The following CELF2 variants were observed in gnomAD, a reference collection of about 807,000 sequenced individuals.
CELF2 encodes CUGBP Elav-like family member 2.
A neutral mutation model predicts 62.6 loss-of-function variants in CELF2; 8 were observed. That is an observed-to-expected ratio of 0.13 (90% CI 0.07 to 0.23). The LOEUF (loss-of-function observed/expected upper bound fraction) is 0.23. Ranked by LOEUF, CELF2 falls within the 10% of genes least tolerant of loss-of-function variation. CELF2 has a pLI of 1.00. For synonymous variants in CELF2, 258 were observed against 250.0 expected (o/e 1.03, Z -0.30); for missense variants, 333 against 671.0 (o/e 0.50, Z 5.56).
intron 1 of CELF2, among the ~76,000 whole-genome samples, chr10:10,878,175 G>T (rs2061230012): frequency 1.3e-5 from 2 of 152,270 alleles, no homozygotes; most frequent in South Asian, 4.1e-4. Context: ...GATCCTATAG[G>T]ATCCCATCTA....
chr10:10,651,280 A>G, the CELF2 span, among the ~76,000 whole-genome samples: 17 of 146,232 alleles, frequency 1.2e-4, no homozygotes, highest in South Asian at 4.9e-4. Flanking sequence ...GCAAGGCGGC[A>G]GTGAGGCTGG....
chr10:10,848,139 G>C (rs531743652), intron 1 of CELF2, among the ~76,000 whole-genome samples: 1 of 151,998 alleles, frequency 6.6e-6, no homozygotes, highest in African/African-American at 2.4e-5. Context: ...AGGAAATTTC[G>C]TTTCCTTTTC....
chr10:10,811,577 C>T (rs2055895450), intron 1 of CELF2, among the ~76,000 whole-genome samples: 1 of 152,038 alleles, frequency 6.6e-6, no homozygotes, highest in South Asian at 2.1e-4. Context: ...GGGGTACATG[C>T]ACATCTCAAA....
At chr10:10,851,809 A>ACGG (rs1412514694) in intron 1 of CELF2, among the ~76,000 whole-genome samples, 9 of 152,226 alleles carry the variant, frequency 5.9e-5, no homozygotes, top group Non-Finnish European at 1.2e-4. Context: ...CAGGCATATT[A>ACGG]CCAAAGAAGG....
At chr10:10,763,823 C>G in the CELF2 span, among the ~76,000 whole-genome samples, 352 of 152,292 alleles carry the variant, frequency 2.3e-3, 1 homozygote, top group Admixed American at 3.2e-3. Flanking sequence ...TTGTTTGTGA[C>G]AGGTAAAGCC....
At chr10:10,877,365 T>A (rs1309626497) in intron 1 of CELF2, among the ~76,000 whole-genome samples, 1 of 152,206 alleles carries the variant, frequency 6.6e-6, no homozygotes, top group Non-Finnish European at 1.5e-5. Flanking sequence ...ACATGAGACA[T>A]CAATCATCAT....
chr10:10,510,444 C>T, the CELF2 span, among the ~76,000 whole-genome samples: 12 of 152,298 alleles, frequency 7.9e-5, no homozygotes, highest in East Asian at 2.1e-3. Context: ...GGAGAGATGG[C>T]ATAAAATAGC....
the CELF2 span, among the ~76,000 whole-genome samples, chr10:10,539,248 T>A: frequency 9.7e-4 from 148 of 152,378 alleles, no homozygotes; most frequent in African/African-American, 3.5e-3. Context: ...ACATATTCTA[T>A]GGGCTTTCAG....
chr10:10,724,708 T>C, the CELF2 span, among the ~76,000 whole-genome samples: 1 of 143,688 alleles, frequency 7.0e-6, no homozygotes, highest in South Asian at 2.3e-4. Context: ...GCAACCTAAG[T>C]ATGTGGGTGT....
chr10:11,133,984 A>G (rs1476803931), intron 1 of CELF2, among the ~76,000 whole-genome samples: 1 of 152,222 alleles, frequency 6.6e-6, no homozygotes, highest in Non-Finnish European at 1.5e-5. Context: ...TTCGTTTGTC[A>G]CAAATAGGTT....
the CELF2 span, among the ~76,000 whole-genome samples, chr10:10,670,298 T>C: frequency 6.6e-6 from 1 of 152,184 alleles, no homozygotes; most frequent in Non-Finnish European, 1.5e-5. Context: ...ACAAGAGTCA[T>C]AACACCCTTA....
chr10:10,534,665 T>C, the CELF2 span, among the ~76,000 whole-genome samples: 1 of 152,220 alleles, frequency 6.6e-6, no homozygotes, highest in African/African-American at 2.4e-5. Flanking sequence ...TTATGAGATA[T>C]CAAGTAAAAT....
At chr10:10,589,492 A>C in the CELF2 span, among the ~76,000 whole-genome samples, 1 of 152,234 alleles carries the variant, frequency 6.6e-6, no homozygotes, top group South Asian at 2.1e-4. Flanking sequence ...ACATCCATTC[A>C]GATGGCTGGG....
chr10:11,023,593 A>T (rs1212827434), intron 1 of CELF2, among the ~76,000 whole-genome samples: 1 of 152,260 alleles, frequency 6.6e-6, no homozygotes, highest in African/African-American at 2.4e-5. Flanking sequence ...TCATTTAGTG[A>T]GAGCTTTAGA....
chr10:10,782,906 G>A, the CELF2 span, among the ~76,000 whole-genome samples: 7 of 152,250 alleles, frequency 4.6e-5, no homozygotes, highest in East Asian at 1.9e-4. Flanking sequence ...AAGTTCAGCC[G>A]TAGACCCTCC....
chr10:11,234,411 G>A lies in CELF2; in HGVS notation c.355-14742G>A, dbSNP rs538603052. 1.8e-3 allele frequency among the ~76,000 whole-genome samples: 276 copies of A among 152,264 alleles called. 1 individual carries two copies. The highest frequency in any genetic ancestry group is 6.4e-3 in the African/African-American group (264 of 41,548). ...AAAAATTCAAGTTCTGGCTGGGCGC[G>A]GTGGCTCACGCCTATAATCCCAGGA... On this transcript the variant is annotated intron_variant, in intron 3 of 12. Coordinates refer to ENST00000633077, the MANE Select transcript of CELF2 (RefSeq NM_001326342.2).
At chr10:10,557,934 G>A in the CELF2 span, among the ~76,000 whole-genome samples, 5 of 141,430 alleles carry the variant, frequency 3.5e-5, no homozygotes, top group Admixed American at 2.9e-4. Context: ...GAGATTTTGG[G>A]CTGAGACAAT....
the CELF2 span, among the ~76,000 whole-genome samples, chr10:10,649,383 C>T: frequency 0.16 from 24,585 of 152,160 alleles, 2,125 homozygotes; most frequent in South Asian, 0.24. Context: ...TATTACCAAA[C>T]TCAGGTCAAC....
rs759251077 is a variant in CELF2, at chr10:10,990,252, G to A, written c.89+70253G>A. On this transcript the variant is annotated intron_variant, in intron 2 of 13. Transcript: ENST00000636488. This position sits in a 1 kb window ranked among gnomAD's most constrained non-coding sequence, Gnocchi z 4.6. ...TGGAAAATATTTTCAACGTCATTAT[G>A]TGGGAAAAATATATCATGTTGTATA... 6.6e-6 allele frequency among the ~76,000 whole-genome samples: 1 copy of A among 152,046 alleles called. No individual in the cohort carries two copies. Among genetic ancestry groups the A allele is most frequent in the African/African-American group, 2.4e-5 (1 of 41,420 alleles).
Sources: allele counts gnomAD v4.1 joint callset (sites outside exome capture counted in the v4.1 genomes callset), GRCh38; gene constraint gnomAD v4.1.1; non-coding constraint Gnocchi (gnomAD v3.1); transcripts MANE v1.5; gene names NCBI Gene and HGNC (gene_info 2026-07-23, HGNC 2026-07-21).